Variants in CTNNA2 observed in about 807,000 individuals in gnomAD.
CTNNA2 encodes catenin alpha-2.
In CTNNA2, 42 loss-of-function variants were observed where a neutral mutation model predicts 101.0. That is an observed-to-expected ratio of 0.42 (90% CI 0.32 to 0.54). The LOEUF is 0.54. Among genes scored for constraint, CTNNA2 ranks in the 20% least tolerant of loss-of-function variants. CTNNA2 has a pLI of 0.14. For synonymous variants in CTNNA2, 450 were observed against 456.4 expected, an observed-to-expected ratio of 0.99 and a Z score of 0.18; for missense variants, 871 against 1,223.1, an observed-to-expected ratio of 0.71 and a Z score of 4.29.
intron 7 of CTNNA2, among the ~76,000 whole-genome samples, chr2:80,020,189 G>A (rs1694454219): frequency 6.6e-6 from 1 of 152,174 alleles, no homozygotes; most frequent in African/African-American, 2.4e-5. Flanking sequence ...TACAAACCAA[G>A]CACATCAAGC....
intron 3 of CTNNA2, among the ~76,000 whole-genome samples, chr2:79,760,759 A>G (rs958911511): frequency 2.6e-5 from 4 of 152,182 alleles, no homozygotes; most frequent in African/African-American, 7.2e-5. Flanking sequence ...GTAAAAGTGC[A>G]TTTATTGTTT....
chr2:80,316,330 T>C (rs940384565), intron 7 of CTNNA2, among the ~76,000 whole-genome samples: 3 of 152,148 alleles, frequency 2.0e-5, no homozygotes, highest in Non-Finnish European at 2.9e-5. Flanking sequence ...ATTCAGATAT[T>C]AGAGCAATTT....
chr2:80,177,344 A>G (rs371520327), intron 7 of CTNNA2, among the ~76,000 whole-genome samples: 12 of 152,244 alleles, frequency 7.9e-5, no homozygotes, highest in African/African-American at 2.9e-4. Context: ...GGTGAGGACA[A>G]ATTGCTGCCC....
chr2:79,442,763 A>T (rs1161677402), intron 4 of CTNNA2, among the ~76,000 whole-genome samples: 1 of 152,144 alleles, frequency 6.6e-6, no homozygotes, highest in Non-Finnish European at 1.5e-5. Flanking sequence ...CAACAAATGT[A>T]CTGGGACCCT....
At chr2:79,695,024 A>ATT (rs5832400) in intron 2 of CTNNA2, among the ~76,000 whole-genome samples, 312 of 139,576 alleles carry the variant, frequency 2.2e-3, no homozygotes, top group African/African-American at 7.0e-3. Context: ...CAAGCCTTAC[A>ATT]TTTTTTTTTT....
At chr2:80,584,357 A>C (rs1695791199) in intron 14 of CTNNA2, among the ~76,000 whole-genome samples, 1 of 151,230 alleles carries the variant, frequency 6.6e-6, no homozygotes, top group African/African-American at 2.4e-5. Context: ...TCTGGAATTA[A>C]AGTATTTCAA....
At chr2:80,104,423 T>C (rs1202648676) in intron 7 of CTNNA2, among the ~76,000 whole-genome samples, 1 of 152,182 alleles carries the variant, frequency 6.6e-6, no homozygotes, top group Non-Finnish European at 1.5e-5. Flanking sequence ...GGGAAGCCCC[T>C]ATTGTCCAGA....
intron 7 of CTNNA2, among the ~76,000 whole-genome samples, chr2:79,962,724 G>T (rs544181025): frequency 6.6e-6 from 1 of 152,214 alleles, no homozygotes; most frequent in East Asian, 1.9e-4. Flanking sequence ...AGCACATGTT[G>T]GTGCACATTG....
rs186581603 is a variant in CTNNA2 at position 80,175,088 on chromosome 2, C to T, written c.1057-218123C>T. 9.7e-4 allele frequency among the ~76,000 whole-genome samples: 147 copies of T among 152,326 alleles called. 1 individual carries two copies. In the East Asian group the frequency reaches 0.023, roughly 24 times the overall value. On this transcript the variant is annotated intron_variant, in intron 7 of 18. Transcript: ENST00000402739. Reference sequence around the variant, plus strand: ...TCTCCACCTCTCAAGACTGACTTCACCTCTGGCCTTCTCTTGATTTCTCTG... The same window carrying T: ...TCTCCACCTCTCAAGACTGACTTCATCTCTGGCCTTCTCTTGATTTCTCTG...
chr2:79,288,617 A>G (rs373472062), intron 2 of CTNNA2, among the ~76,000 whole-genome samples: 3 of 151,686 alleles, frequency 2.0e-5, no homozygotes, highest in Admixed American at 6.6e-5. Flanking sequence ...CTCTCTCTCC[A>G]CATGGTCTTT....
chr2:79,528,354 G>C (rs570011503), intron 1 of CTNNA2, among the ~76,000 whole-genome samples: 3 of 151,906 alleles, frequency 2.0e-5, no homozygotes, highest in African/African-American at 4.8e-5. Context: ...TGGGATTATA[G>C]GGGTATGCCA....
At chr2:80,507,285 C>G (rs1333967695) in intron 9 of CTNNA2, among the ~76,000 whole-genome samples, 1 of 144,046 alleles carries the variant, frequency 6.9e-6, no homozygotes, top group East Asian at 2.0e-4. Context: ...CCACTACCAC[C>G]ACCATCATCA....
At position 80,300,310 on chromosome 2, in the gene CTNNA2, G is replaced by C. The variant is rs1431860228; in HGVS notation, c.1057-92901G>C. On this transcript the variant is annotated intron_variant, in intron 7 of 18. Coordinates refer to ENST00000402739, the MANE Select transcript of CTNNA2 (RefSeq NM_001282597.3). ...TGTGTGTGTGTGTGTGTGTGTGTGT[G>C]TGTGTGTGTGTGTGTGTGTGTGTAA... 1.2e-4 allele frequency among the ~76,000 whole-genome samples: 18 copies of C among 151,428 alleles called. No individual in the cohort carries two copies. In the South Asian group the frequency reaches 3.6e-3, roughly 30 times the overall value.
chr2:79,721,057 T>C (rs1231861557), intron 2 of CTNNA2, among the ~76,000 whole-genome samples: 1 of 113,126 alleles, frequency 8.8e-6, no homozygotes, highest in African/African-American at 3.8e-5. Context: ...AAAGTATGAT[T>C]TTTTTTTTTT....
At chr2:80,628,631 A>G (rs568620333) in intron 18 of CTNNA2, among the ~76,000 whole-genome samples, 1 of 151,966 alleles carries the variant, frequency 6.6e-6, no homozygotes, top group Non-Finnish European at 1.5e-5. Flanking sequence ...CTCAATACTC[A>G]TATTTAGTTG....
At chr2:79,416,262 T>TCTTTTTTTC (rs1455227585) in intron 4 of CTNNA2, among the ~76,000 whole-genome samples, 7 of 137,400 alleles carry the variant, frequency 5.1e-5, no homozygotes, top group African/African-American at 2.0e-4. Flanking sequence ...CTTTTCTTTT[T>TCTTTTTTTC]TTTTTTTTTT....
At chr2:79,769,015 T>A (rs1041693396) in intron 3 of CTNNA2, among the ~76,000 whole-genome samples, 9 of 152,042 alleles carry the variant, frequency 5.9e-5, no homozygotes, top group Admixed American at 5.9e-4. Context: ...CCACCACGCC[T>A]GGCTAATTTT....
chr2:80,549,043 G>A (rs1192649493), intron 11 of CTNNA2, among the ~76,000 whole-genome samples: 2 of 152,078 alleles, frequency 1.3e-5, no homozygotes, highest in Non-Finnish European at 2.9e-5. Flanking sequence ...CATATGAAAT[G>A]CAACAAGTTT....
chr2:80,277,846 C>T (rs1297796093), intron 7 of CTNNA2, among the ~76,000 whole-genome samples: 2 of 152,118 alleles, frequency 1.3e-5, no homozygotes, highest in Admixed American at 1.3e-4. Context: ...CTCCTCAGAG[C>T]CCTGTTCTGC....
Sources: gnomAD v4.1 joint callset for allele counts (sites outside exome capture counted in the v4.1 genomes callset) on GRCh38, gnomAD v4.1.1 for gene constraint, MANE v1.5 for transcripts, NCBI Gene and HGNC (gene_info 2026-07-23, HGNC 2026-07-21) for gene names.